CNKSR2: variants seen among roughly 807,000 people sequenced by gnomAD.
The protein encoded by CNKSR2 is connector enhancer of kinase suppressor of Ras 2.
In CNKSR2, 14 loss-of-function variants were observed where a neutral mutation model predicts 84.4. The ratio of observed to expected loss-of-function variants is 0.17; its 90% confidence interval spans 0.11 to 0.26. The LOEUF is 0.26. Ranked by LOEUF, CNKSR2 falls within the 10% of genes least tolerant of loss-of-function variation. CNKSR2 has a pLI of 1.00. For synonymous variants in CNKSR2, 275 were observed against 277.9 expected (o/e 0.99, Z 0.10); for missense variants, 485 against 771.2 (o/e 0.63, Z 4.40).
chrX:21,646,429 A>G (rs2092707190), intron 20 of CNKSR2, among the ~76,000 whole-genome samples: 1 of 111,952 alleles, frequency 8.9e-6, no homozygotes, highest in African/African-American at 3.2e-5. Context: ...ATCTTCATTC[A>G]TCCTTCTTAA....
chrX:21,602,847 T>C (rs993217305), intron 18 of CNKSR2, among the ~76,000 whole-genome samples: 4 of 112,379 alleles, frequency 3.6e-5, no homozygotes, highest in African/African-American at 1.3e-4. Flanking sequence ...TTTTTTCTGA[T>C]TTGTTAAAGA....
At chrX:21,581,275 G>A (rs1361734302) in intron 13 of CNKSR2, among the ~76,000 whole-genome samples, 1 of 111,749 alleles carries the variant, frequency 8.9e-6, no homozygotes, top group Non-Finnish European at 1.9e-5. Flanking sequence ...AGAACATGTG[G>A]TCCAAATCCC....
chrX:21,634,430 C>T (rs1462529875), intron 20 of CNKSR2, among the ~76,000 whole-genome samples: 4 of 112,006 alleles, frequency 3.6e-5, no homozygotes, highest in Non-Finnish European at 7.5e-5. Flanking sequence ...AAAGCAGCTC[C>T]TTCTTGCCAG....
chrX:21,651,656 T>A (rs1234177656), intron 21 of CNKSR2, among the ~76,000 whole-genome samples: 2 of 111,688 alleles, frequency 1.8e-5, no homozygotes, highest in African/African-American at 6.5e-5. Context: ...ACCTGGGAAA[T>A]TCTCATCTTC....
chrX:21,602,029 T>A (rs1336565993), intron 18 of CNKSR2, among the ~76,000 whole-genome samples: 2 of 112,567 alleles, frequency 1.8e-5, no homozygotes, highest in Non-Finnish European at 3.8e-5. Context: ...CGTAGTTGTG[T>A]CTTCAGTGGG....
rs774605705 is a variant in CNKSR2, at chrX:21,485,447, G to GTA, written c.562-5002_562-5001dup. Among the ~76,000 whole-genome samples, 16 of 110,497 alleles carry GTA rather than the reference G, an allele frequency of 1.4e-4. 1 individual carries two copies. In the East Asian group the frequency reaches 4.3e-3, roughly 30 times the overall value. ...GGTAAACCAGCGTGTATGTGTGTGT[G>GTA]TATATATATATGTATGTGTGTGTGC... On this transcript the variant is annotated intron_variant, in intron 5 of 21. Transcript: ENST00000379510.
chrX:21,387,310 T>C (rs2146957412), intron 1 of CNKSR2, among the ~76,000 whole-genome samples: 1 of 110,938 alleles, frequency 9.0e-6, no homozygotes, highest in South Asian at 3.9e-4. Context: ...GACGAAACTC[T>C]GTCTCTACAG....
rs144274747 is a variant in CNKSR2, at chrX:21,448,395, C to G, written c.519+7614C>G. On this transcript the variant is annotated intron_variant, in intron 4 of 21. Transcript: ENST00000379510. ...ACACTTGTAATAAGAAAGAGAGAACCAATGCTAGAAAGTGGTGTGGTGGTA... is the reference window on the plus strand; with the variant it reads ...ACACTTGTAATAAGAAAGAGAGAACGAATGCTAGAAAGTGGTGTGGTGGTA... 9.3e-3 allele frequency among the ~76,000 whole-genome samples: 1,039 copies of G among 111,211 alleles called. 12 individuals carry two copies. The highest frequency in any genetic ancestry group is 0.031 in the African/African-American group (954 of 30,609).
At chrX:21,585,097 G>T (rs1242775839) in intron 13 of CNKSR2, among the ~76,000 whole-genome samples, 7 of 107,393 alleles carry the variant, frequency 6.5e-5, no homozygotes, top group Non-Finnish European at 9.6e-5. Flanking sequence ...ACAAAAATTA[G>T]CTGGGCATGG....
At chrX:21,449,482 A>G (rs1277035499) in intron 4 of CNKSR2, among the ~76,000 whole-genome samples, 1 of 110,749 alleles carries the variant, frequency 9.0e-6, no homozygotes, top group Non-Finnish European at 1.9e-5. Context: ...CGAAATGGTT[A>G]TTGCATTAAA....
intron 10 of CNKSR2, among the ~76,000 whole-genome samples, chrX:21,528,383 G>A (rs2147117194): frequency 9.0e-6 from 1 of 111,203 alleles, no homozygotes; most frequent in South Asian, 3.7e-4. Flanking sequence ...ATTCTTCAGA[G>A]GGCTACATAC....
intron 16 of CNKSR2, 56 bp downstream of exon 16, chrX:21,595,103 C>A: frequency 2.1e-6 from 2 of 951,234 alleles, no homozygotes; most frequent in Non-Finnish European, 3.0e-6. Flanking sequence ...TAATTTCCAG[C>A]TTTTAAATTA....
At chrX:21,587,586 T>A (rs1170584550) in intron 13 of CNKSR2, among the ~76,000 whole-genome samples, 2 of 111,593 alleles carry the variant, frequency 1.8e-5, no homozygotes, top group African/African-American at 6.5e-5. Flanking sequence ...ATCTTAAAAC[T>A]GGAAAAAATG....
Position 21,606,808 on chromosome X carries a change from G to A in CNKSR2, c.2074G>A (p.Ala692Thr). 2 of 1,199,569 alleles carry A rather than the reference G, an allele frequency of 1.7e-6. No individual in the cohort carries two copies. The highest frequency in any genetic ancestry group is 3.6e-5 in the South Asian group (2 of 56,115). ...DYWSESDKEE[A>T]DTPSTPKQDS... is the part of the protein sequence containing the mutation. Reference sequence around the variant, plus strand: ...CTGGAGTGAGAGTGACAAGGAAGAAGCAGATACTCCATCAACACCAAAACA... The same window carrying A: ...CTGGAGTGAGAGTGACAAGGAAGAAACAGATACTCCATCAACACCAAAACA... Residue 692 changes from alanine (A) to threonine (T), a missense_variant, in exon 19 of 22, where the codon GCA (alanine) becomes ACA (threonine). Around this residue, in one of 5 missense-constraint regions of CNKSR2, gnomAD observed 210 missense variants for 291.5 expected, o/e 0.72. Transcript: ENST00000379510.
rs1032177865 is a variant in CNKSR2, at chrX:21,528,209, T to C, written c.1091+1209T>C. Among the ~76,000 whole-genome samples the C allele has an allele frequency of 6.3e-5, 7 of 111,120 alleles. No individual in the cohort carries two copies. The Admixed American group carries it at 6.7e-4, about 11-fold the overall frequency. On this transcript the variant is annotated intron_variant, in intron 10 of 21. Coordinates refer to ENST00000379510, the MANE Select transcript of CNKSR2 (RefSeq NM_014927.5). ...ATCCAATATCCTACTAAAATGCTAGTTGCATTTTAATTCTGTTAAGACAGT... is the reference window on the plus strand; with the variant it reads ...ATCCAATATCCTACTAAAATGCTAGCTGCATTTTAATTCTGTTAAGACAGT...
intron 13 of CNKSR2, among the ~76,000 whole-genome samples, chrX:21,584,213 G>C (rs1338895171): frequency 8.9e-6 from 1 of 112,037 alleles, no homozygotes; most frequent in East Asian, 2.8e-4. Flanking sequence ...CTACCAAAAG[G>C]AATGGCCTAT....
chrX:21,559,684 C>G (rs1425611306), intron 11 of CNKSR2, among the ~76,000 whole-genome samples: 1 of 111,133 alleles, frequency 9.0e-6, no homozygotes, highest in African/African-American at 3.3e-5. Flanking sequence ...CATGTGAGGA[C>G]ATGTTTACTT....
At chrX:21,521,972 G>T (rs1325307863) in intron 9 of CNKSR2, among the ~76,000 whole-genome samples, 1 of 110,766 alleles carries the variant, frequency 9.0e-6, no homozygotes, top group East Asian at 2.8e-4. Flanking sequence ...CTTATGAAAA[G>T]CTTGGCCAGA....
chrX:21,433,597 T>G (rs1008608421), intron 3 of CNKSR2, among the ~76,000 whole-genome samples: 1 of 108,655 alleles, frequency 9.2e-6, no homozygotes, highest in Admixed American at 1.0e-4. Context: ...TCTGATAATA[T>G]ACATTACCAG....
Sources: allele counts gnomAD v4.1 joint callset (sites outside exome capture counted in the v4.1 genomes callset), GRCh38; gene constraint gnomAD v4.1.1; regional missense constraint gnomAD v4.1.1; transcripts MANE v1.5; gene names NCBI Gene and HGNC (gene_info 2026-07-23, HGNC 2026-07-21).